The following UNC13C variants were observed in gnomAD, a reference collection of about 807,000 sequenced individuals.
UNC13C encodes protein unc-13 homolog C.
In UNC13C, 174 loss-of-function variants were observed where a neutral mutation model predicts 245.4. The ratio of observed to expected loss-of-function variants is 0.71; its 90% confidence interval spans 0.63 to 0.80. UNC13C has a LOEUF of 0.80. Ranked by LOEUF, UNC13C falls within the 30% of genes least tolerant of loss-of-function variation. UNC13C has a pLI of 0.00. For synonymous variants in UNC13C, 992 were observed against 895.1 expected, an observed-to-expected ratio of 1.11 and a Z score of -1.93; for missense variants, 2,829 against 2,602.9, an observed-to-expected ratio of 1.09 and a Z score of -1.89.
chr15:53,872,211 G>T, the UNC13C span, among the ~76,000 whole-genome samples: 1 of 152,158 alleles, frequency 6.6e-6, no homozygotes, highest in African/African-American at 2.4e-5. Flanking sequence ...GCAAGAATTT[G>T]TGGTGGTGGT....
intron 18 of UNC13C, among the ~76,000 whole-genome samples, chr15:54,395,005 T>C (rs2040040627): frequency 6.6e-6 from 1 of 151,536 alleles, no homozygotes; most frequent in Non-Finnish European, 1.5e-5. Context: ...TTTTTGTTTT[T>C]TTCAATTTTG....
At chr15:54,480,114 G>C (rs1893020588) in intron 19 of UNC13C, among the ~76,000 whole-genome samples, 1 of 151,954 alleles carries the variant, frequency 6.6e-6, no homozygotes, top group Admixed American at 6.6e-5. Flanking sequence ...CTTTGTATTT[G>C]ACTTTTGGCA....
the UNC13C span, among the ~76,000 whole-genome samples, chr15:53,908,752 C>CAAAAAAA: frequency 1.1e-5 from 1 of 88,172 alleles, no homozygotes; most frequent in Non-Finnish European, 2.2e-5. Context: ...AACCTTTCTC[C>CAAAAAAA]AAAAAAAAAA....
intron 19 of UNC13C, among the ~76,000 whole-genome samples, chr15:54,455,467 C>T (rs183663009): frequency 2.7e-5 from 4 of 149,356 alleles, no homozygotes; most frequent in Non-Finnish European, 5.9e-5. Context: ...TACTAGTTTA[C>T]ATTCCCTCTA....
chr15:54,556,791 GA>G (rs1389345655), intron 29 of UNC13C, among the ~76,000 whole-genome samples: 1 of 151,698 alleles, frequency 6.6e-6, no homozygotes, highest in African/African-American at 2.4e-5. Context: ...AGGAAGAAAA[GA>G]AAAAAATTTG....
the UNC13C span, among the ~76,000 whole-genome samples, chr15:53,873,388 T>C: frequency 6.6e-6 from 1 of 152,088 alleles, no homozygotes. Context: ...GCCTCTCTTG[T>C]TGCTCGCAAG....
intron 29 of UNC13C, among the ~76,000 whole-genome samples, chr15:54,565,014 G>T (rs1443757225): frequency 5.9e-5 from 9 of 151,956 alleles, no homozygotes; most frequent in Non-Finnish European, 1.5e-5. Flanking sequence ...ATTGTCCTCT[G>T]TCTCTAGTTC....
At chr15:54,044,972 C>T (rs1304860479) in intron 2 of UNC13C, among the ~76,000 whole-genome samples, 3 of 152,004 alleles carry the variant, frequency 2.0e-5, no homozygotes, top group Non-Finnish European at 4.4e-5. Flanking sequence ...ATTCTAGTTA[C>T]AAGTCCCTTA....
At position 54,269,613 on chromosome 15, in the gene UNC13C, T is replaced by C. The variant is rs189028203; in HGVS notation, c.3818+4117T>C. Among the ~76,000 whole-genome samples the C allele has an allele frequency of 2.0e-5, 3 of 152,226 alleles. No homozygotes were observed. In the East Asian group the frequency reaches 5.8e-4, roughly 29 times the overall value. ...AACTACCTAGGACCACCCAAGTACTTGATGTGACAATTCGCAGTGCTCATC... is the reference window on the plus strand; with the variant it reads ...AACTACCTAGGACCACCCAAGTACTCGATGTGACAATTCGCAGTGCTCATC... On this transcript the variant is annotated intron_variant, in intron 10 of 32. Coordinates refer to ENST00000260323, the MANE Select transcript of UNC13C (RefSeq NM_001080534.3).
At chr15:54,560,395 C>T (rs1897254610) in intron 29 of UNC13C, among the ~76,000 whole-genome samples, 1 of 151,220 alleles carries the variant, frequency 6.6e-6, no homozygotes, top group African/African-American at 2.4e-5. Context: ...GCTTGCCAAG[C>T]ATGCAGGCAA....
At chr15:53,864,726 C>A in the UNC13C span, among the ~76,000 whole-genome samples, 1,260 of 152,240 alleles carry the variant, frequency 8.3e-3, 21 homozygotes, top group African/African-American at 0.029. Context: ...ATACCCTCTT[C>A]CTAGATTGTG....
chr15:54,038,124 A>ATATTTTTTTTTTTTT lies in UNC13C; in HGVS notation c.2983+22239_2983+22240insATTTTTTTTTTTTTT. ...CATATATATATATATATATATATAT[A>ATATTTTTTTTTTTTT]TTTTTTTTTTTTTTTTCCTGAGACA... On this transcript the variant is annotated intron_variant, in intron 2 of 32. Transcript: ENST00000260323. Among the ~76,000 whole-genome samples the ATATTTTTTTTTTTTT allele has an allele frequency of 3.7e-3, 167 of 45,010 alleles. 3 individuals are homozygous for ATATTTTTTTTTTTTT. Among genetic ancestry groups the ATATTTTTTTTTTTTT allele is most frequent in the Middle Eastern group, 0.025 (1 of 40 alleles). 29.5% of individuals were successfully genotyped at this position (45,010 alleles called of 152,430 possible).
At chr15:54,277,826 A>G (rs535492003) in intron 10 of UNC13C, among the ~76,000 whole-genome samples, 1 of 152,268 alleles carries the variant, frequency 6.6e-6, no homozygotes, top group African/African-American at 2.4e-5. Context: ...AACCCAATCT[A>G]TTTCATAATA....
At chr15:53,886,701 C>T in the UNC13C span, among the ~76,000 whole-genome samples, 1 of 152,106 alleles carries the variant, frequency 6.6e-6, no homozygotes, top group African/African-American at 2.4e-5. Flanking sequence ...AGTGGAGGAA[C>T]TCTACAGTGG....
chr15:54,614,614 A>C (rs1046478423), intron 30 of UNC13C, among the ~76,000 whole-genome samples: 1 of 151,964 alleles, frequency 6.6e-6, no homozygotes, highest in African/African-American at 2.4e-5. Flanking sequence ...ACATGAGGAA[A>C]AACTGGCTGG....
At chr15:54,104,225 C>T (rs983520982) in intron 2 of UNC13C, among the ~76,000 whole-genome samples, 8 of 152,150 alleles carry the variant, frequency 5.3e-5, no homozygotes, top group East Asian at 1.9e-4. Flanking sequence ...TGTCCTTAAA[C>T]GATGCCTGGA....
intron 25 of UNC13C, among the ~76,000 whole-genome samples, chr15:54,531,655 T>TTA (rs59580135): frequency 1.3e-5 from 2 of 151,708 alleles, no homozygotes; most frequent in East Asian, 1.9e-4. Flanking sequence ...TTTTTTTTTT[T>TTA]AACAACAAAT....
rs115500389 is a variant in UNC13C, at chr15:54,460,843, G to C, written c.4934-33765G>C. On this transcript the variant is annotated intron_variant, in intron 19 of 32. Coordinates refer to ENST00000260323, the MANE Select transcript of UNC13C (RefSeq NM_001080534.3). ...CCATCCAAGTGGGAGCTGCACGTTA[G>C]TCCTGTCTCCTATTGGCCATTTTCC... Among the ~76,000 whole-genome samples the C allele has an allele frequency of 9.4e-3, 1,436 of 152,282 alleles. 24 individuals are homozygous for C. The highest frequency in any genetic ancestry group is 0.033 in the African/African-American group (1,389 of 41,562).
chr15:54,633,081 C>T (rs1467331082), downstream of UNC13C: 1 of 152,168 alleles, frequency 6.6e-6, no homozygotes. Flanking sequence ...AGGGGAATCA[C>T]TTGAACCCAG....
Sources: allele counts gnomAD v4.1 joint callset (sites outside exome capture counted in the v4.1 genomes callset), GRCh38; gene constraint gnomAD v4.1.1; transcripts MANE v1.5; gene names NCBI Gene and HGNC (gene_info 2026-07-23, HGNC 2026-07-21).